The following TECTB variants were observed in gnomAD, a reference collection of about 807,000 sequenced individuals.
TECTB encodes tectorin beta.
TECTB carries 45 observed loss-of-function variants against 43.3 expected under a neutral mutation model. That is an observed-to-expected ratio of 1.04 (90% CI 0.82 to 1.33). TECTB has a LOEUF of 1.33. Among genes scored for constraint, TECTB ranks in the 40% most tolerant of loss-of-function variants. TECTB has a pLI of 0.00. For missense variants in TECTB, 399 were observed against 404.7 expected, an observed-to-expected ratio of 0.99 and a Z score of 0.12; for synonymous variants, 169 against 156.7, an observed-to-expected ratio of 1.08 and a Z score of -0.59.
intron 5 of TECTB, among the ~76,000 whole-genome samples, chr10:112,289,540 GAC>G (rs1346140256): frequency 1.3e-5 from 2 of 152,164 alleles, no homozygotes; most frequent in Non-Finnish European, 2.9e-5. Context: ...TCTGATATCT[GAC>G]ACCCTGAACT....
rs1295753512 is a variant in TECTB, at chr10:112,298,136, A to G, written c.739A>G (p.Asn247Asp). The G allele has an allele frequency of 5.6e-6, 9 of 1,614,076 alleles. No homozygotes were observed. Among genetic ancestry groups the G allele is most frequent in the African/African-American group, 2.7e-5 (2 of 74,928 alleles). Residue 247 changes from asparagine to aspartate, a missense_variant, in exon 8 of 11, where the codon AAT (asparagine) becomes GAT (aspartate). Coordinates refer to ENST00000646139, the MANE Select transcript of TECTB (RefSeq NM_058222.3). ...GRDHRATFQFNAFRFQNIPKL... is the reference protein window; with the variant it reads ...GRDHRATFQFDAFRFQNIPKL... Reference sequence around the variant, plus strand: ...AGATCACAGGGCAACCTTCCAATTCAATGCTTTCCGGTTCCAGAACATCCC... The same window carrying G: ...AGATCACAGGGCAACCTTCCAATTCGATGCTTTCCGGTTCCAGAACATCCC...
At position 112,299,531 on chromosome 10, in the gene TECTB, G is replaced by C. The variant is rs143643685; in HGVS notation, c.874G>C (p.Gly292Arg). The change falls in exon 9 of 11, where the codon GGG becomes CGG. Residue 292 changes from glycine (G) to arginine (R), a missense_variant. Coordinates refer to ENST00000646139, the MANE Select transcript of TECTB (RefSeq NM_058222.3). ...KRKRLLRDQTGGVLVVELSLR... is the reference protein window; with the variant it reads ...KRKRLLRDQTRGVLVVELSLR... ...GAAGCGCCTCCTGCGAGACCAGACC[G>C]GGGGAGTCCTGGTCGTGGAGCTCTC... The C allele has an allele frequency of 6.2e-7, 1 of 1,614,124 alleles. No homozygotes were observed. Among genetic ancestry groups the C allele is most frequent in the Non-Finnish European group, 8.5e-7 (1 of 1,180,016 alleles).
chr10:112,292,529 G>A (rs1158834460), intron 5 of TECTB, among the ~76,000 whole-genome samples: 1 of 152,114 alleles, frequency 6.6e-6, no homozygotes, highest in East Asian at 1.9e-4. Flanking sequence ...CCACCTCCCA[G>A]GTTCAAGAGA....
rs1848431524 is a variant in TECTB, at chr10:112,283,729, G to C, written c.-6G>C. Reference sequence around the variant, plus strand: ...ATACCTGGCAGAGACCAGGTTCTGAGAAGCAATGGTGACGAAGGCCTTTGT... The same window carrying C: ...ATACCTGGCAGAGACCAGGTTCTGACAAGCAATGGTGACGAAGGCCTTTGT... On this transcript the variant is annotated 5_prime_UTR_variant, in exon 2 of 11. Transcript: ENST00000646139. 1.9e-6 allele frequency: 3 copies of C among 1,613,770 alleles called. No individual in the cohort carries two copies. The highest frequency in any genetic ancestry group is 2.5e-6 in the Non-Finnish European group (3 of 1,179,834).
chr10:112,289,712 C>T (rs944479019), intron 5 of TECTB, among the ~76,000 whole-genome samples: 3 of 152,126 alleles, frequency 2.0e-5, no homozygotes, highest in Non-Finnish European at 4.4e-5. Flanking sequence ...GATCCAGTTG[C>T]TCAGTATCCC....
At chr10:112,292,477 C>G (rs1485966316) in intron 5 of TECTB, among the ~76,000 whole-genome samples, 1 of 152,082 alleles carries the variant, frequency 6.6e-6, no homozygotes, top group Non-Finnish European at 1.5e-5. Flanking sequence ...CTCTGTCACC[C>G]AGGCTGGAGT....
chr10:112,286,796 C>A (rs1848458247), intron 5 of TECTB, among the ~76,000 whole-genome samples: 1 of 152,088 alleles, frequency 6.6e-6, no homozygotes, highest in Non-Finnish European at 1.5e-5. Context: ...GTGGCACATG[C>A]CTGTAGTCCC....
chr10:112,295,869 G>A (rs1439226491), intron 7 of TECTB, among the ~76,000 whole-genome samples: 3 of 152,152 alleles, frequency 2.0e-5, no homozygotes, highest in African/African-American at 7.2e-5. Flanking sequence ...GGCTTTGGGT[G>A]GTCTGCACAA....
At chr10:112,284,205 A>G (rs891835575) in intron 2 of TECTB, among the ~76,000 whole-genome samples, 19 of 152,240 alleles carry the variant, frequency 1.2e-4, no homozygotes, top group African/African-American at 4.1e-4. Flanking sequence ...TTATGTGCTC[A>G]TTGTTATGGA....
intron 5 of TECTB, among the ~76,000 whole-genome samples, chr10:112,290,413 T>C (rs1036318938): frequency 6.6e-6 from 1 of 152,342 alleles, no homozygotes. Flanking sequence ...TTCCAAGCCT[T>C]CCCTGAGCTG....
chr10:112,285,743 G>A (rs180728773), intron 3 of TECTB, among the ~76,000 whole-genome samples: 2 of 152,334 alleles, frequency 1.3e-5, no homozygotes, highest in Admixed American at 1.3e-4. Context: ...ATTTGGACAG[G>A]AGAAATGGAT....
At chr10:112,287,182 T>C (rs898375033) in intron 5 of TECTB, among the ~76,000 whole-genome samples, 5 of 152,206 alleles carry the variant, frequency 3.3e-5, no homozygotes, top group Admixed American at 6.5e-5. Flanking sequence ...CGGCCTCCAC[T>C]GCCTAATTCT....
intron 5 of TECTB, among the ~76,000 whole-genome samples, chr10:112,293,229 T>C (rs929658061): frequency 1.3e-5 from 2 of 152,216 alleles, no homozygotes; most frequent in Non-Finnish European, 2.9e-5. Flanking sequence ...GCCCAACACA[T>C]AGTAGTTGAT....
chr10:112,296,008 A>G (rs371125090), intron 7 of TECTB, among the ~76,000 whole-genome samples: 1 of 152,168 alleles, frequency 6.6e-6, no homozygotes, highest in East Asian at 1.9e-4. Context: ...ACACAGCCAG[A>G]TGTAAGACAT....
rs756125179 is a variant in TECTB at position 112,303,304 on chromosome 10, G to A, written c.982G>A (p.Val328Met). The A allele has an allele frequency of 2.0e-5, 32 of 1,614,040 alleles. No individual in the cohort carries two copies. The highest frequency in any genetic ancestry group is 1.6e-4 in the Middle Eastern group (1 of 6,084). ...HLIMMLGICA[V>M]L ...CATCATGATGTTGGGGATTTGTGCC[G>A]TGTTATAGGAGTTAGCCAGGCAGCT... Residue 328 changes from valine (V) to methionine (M), a missense_variant, in exon 11 of 11, where the codon GTG becomes ATG. Coordinates refer to ENST00000646139, the MANE Select transcript of TECTB (RefSeq NM_058222.3).
intron 5 of TECTB, among the ~76,000 whole-genome samples, chr10:112,289,220 G>A (rs891495965): frequency 1.3e-5 from 2 of 152,204 alleles, no homozygotes; most frequent in African/African-American, 2.4e-5. Context: ...TGGAAACTCT[G>A]AGGGCTTCTA....
chr10:112,288,010 C>A (rs1848468922), intron 5 of TECTB, among the ~76,000 whole-genome samples: 3 of 152,070 alleles, frequency 2.0e-5, no homozygotes. Context: ...CAGCATGGGC[C>A]ACCAGGGTGA....
rs191222196 is a variant in TECTB, at chr10:112,291,544, T to C, written c.484-2194T>C. 1.2e-4 allele frequency among the ~76,000 whole-genome samples: 19 copies of C among 152,360 alleles called. No homozygotes were observed. The East Asian group carries it at 3.7e-3, about 29-fold the overall frequency. The stretch of plus-strand genomic sequence containing the variant: ...AAGAAAATGTGGTACATATACACCA[T>C]GGAATACTATAAAGTCCATTTTAAC... On this transcript the variant is annotated intron_variant, in intron 5 of 10. Coordinates refer to ENST00000646139, the MANE Select transcript of TECTB (RefSeq NM_058222.3).
chr10:112,284,866 G>A, intron 3 of TECTB, 141 bp downstream of exon 3: 1 of 693,086 alleles, frequency 1.4e-6, no homozygotes, highest in Non-Finnish European at 2.1e-6. Context: ...CAAATATCCT[G>A]GAATGTTGGT....
Sources: allele counts gnomAD v4.1 joint callset (sites outside exome capture counted in the v4.1 genomes callset), GRCh38; gene constraint gnomAD v4.1.1; transcripts MANE v1.5; gene names NCBI Gene and HGNC (gene_info 2026-07-23, HGNC 2026-07-21).